SOX6: variants seen among roughly 807,000 people sequenced by gnomAD.
SOX6 encodes transcription factor SOX-6.
SOX6 carries 11 observed loss-of-function variants against 97.8 expected under a neutral mutation model. The ratio of observed to expected loss-of-function variants is 0.11; its 90% CI spans 0.07 to 0.19. The LOEUF (loss-of-function observed/expected upper bound fraction) is 0.19. Among genes scored for constraint, SOX6 ranks in the 10% least tolerant of loss-of-function variants. The probability of loss-of-function intolerance (pLI) is 1.00; values close to 1 mark genes in which losing one functional copy is unlikely to be tolerated. For synonymous variants in SOX6, 360 were observed against 371.4 expected (o/e 0.97, Z 0.35); for missense variants, 810 against 1,039.5 (o/e 0.78, Z 3.04).
intron 9 of SOX6, among the ~76,000 whole-genome samples, chr11:16,082,024 G>C (rs1226263016): frequency 1.3e-5 from 2 of 152,164 alleles, no homozygotes; most frequent in Non-Finnish European, 2.9e-5. Context: ...CTTTTTTAGA[G>C]GAATAGCTGC....
intron 1 of SOX6, among the ~76,000 whole-genome samples, chr11:16,398,019 CA>C (rs1456122418): frequency 6.6e-6 from 1 of 151,544 alleles, no homozygotes; most frequent in Admixed American, 6.6e-5. Flanking sequence ...CCTTATCCTA[CA>C]ATAAATGTCA....
At chr11:16,129,807 C>T (rs1369108275) in intron 6 of SOX6, among the ~76,000 whole-genome samples, 2 of 152,042 alleles carry the variant, frequency 1.3e-5, no homozygotes, top group Non-Finnish European at 2.9e-5. Flanking sequence ...CTTCCTCAAT[C>T]TGATTAAAAG....
chr11:16,259,973 G>GTT (rs71044090), intron 3 of SOX6, among the ~76,000 whole-genome samples: 2 of 145,168 alleles, frequency 1.4e-5, no homozygotes, highest in African/African-American at 5.0e-5. Context: ...GTGTGTGTGT[G>GTT]TATATATACA....
intron 13 of SOX6, among the ~76,000 whole-genome samples, chr11:15,992,091 G>A (rs985028406): frequency 3.3e-5 from 5 of 152,258 alleles, no homozygotes; most frequent in Non-Finnish European, 5.9e-5. Flanking sequence ...TGCAAAATTC[G>A]AGCACAGTGC....
intron 3 of SOX6, among the ~76,000 whole-genome samples, chr11:16,615,092 A>G (rs570555026): frequency 2.0e-5 from 3 of 152,352 alleles, no homozygotes; most frequent in Admixed American, 2.0e-4. Flanking sequence ...TCAAATTAAC[A>G]TTGGATAGCT....
chr11:16,387,246 A>G (rs903744158), intron 1 of SOX6, among the ~76,000 whole-genome samples: 2 of 152,088 alleles, frequency 1.3e-5, no homozygotes, highest in African/African-American at 4.8e-5. Flanking sequence ...TTAAAATGCC[A>G]TATACCTGTA....
intron 2 of SOX6, among the ~76,000 whole-genome samples, chr11:16,319,568 C>T (rs1011146209): frequency 6.6e-6 from 1 of 150,524 alleles, no homozygotes; most frequent in Non-Finnish European, 1.5e-5. Context: ...CAAGTGTTCC[C>T]ACCTACGAGT....
chr11:16,143,668 A>C (rs1850210539), intron 6 of SOX6, among the ~76,000 whole-genome samples: 1 of 152,210 alleles, frequency 6.6e-6, no homozygotes, highest in Admixed American at 6.5e-5. Flanking sequence ...TCTACCAAGC[A>C]AATGGAAAAC....
chr11:16,694,663 A>G (rs1446154895), intron 3 of SOX6, among the ~76,000 whole-genome samples: 3 of 152,228 alleles, frequency 2.0e-5, no homozygotes, highest in Admixed American at 6.5e-5. Flanking sequence ...CTTATTACTC[A>G]TGCTGTCTTA....
intron 11 of SOX6, among the ~76,000 whole-genome samples, chr11:16,048,790 A>T (rs1847608918): frequency 6.6e-6 from 1 of 152,194 alleles, no homozygotes; most frequent in South Asian, 2.1e-4. Context: ...TAATCTTTAA[A>T]TCTGTGTCTG....
chr11:16,145,333 T>A (rs1850262759), intron 6 of SOX6, among the ~76,000 whole-genome samples: 1 of 152,144 alleles, frequency 6.6e-6, no homozygotes, highest in Admixed American at 6.5e-5. Flanking sequence ...ATAAATTAGG[T>A]ATTGATGGGA....
intron 13 of SOX6, among the ~76,000 whole-genome samples, chr11:16,003,588 G>A (rs771903423): frequency 2.6e-4 from 39 of 151,990 alleles, no homozygotes; most frequent in Non-Finnish European, 4.3e-4. Context: ...GGGTCTAGTA[G>A]CCAGGATGGC....
chr11:16,182,095 T>C (rs531813767), intron 6 of SOX6, among the ~76,000 whole-genome samples: 1 of 151,808 alleles, frequency 6.6e-6, no homozygotes, highest in South Asian at 2.1e-4. Flanking sequence ...CAATCATATA[T>C]AAGTAATACA....
chr11:16,405,864 C>T (rs973260347), intron 1 of SOX6, among the ~76,000 whole-genome samples: 1 of 151,936 alleles, frequency 6.6e-6, no homozygotes, highest in Admixed American at 6.6e-5. Flanking sequence ...ATCGAGTTTC[C>T]TTTTTCTAAA....
chr11:16,410,759 CAAAAAAAA>C (rs71044100), intron 1 of SOX6, among the ~76,000 whole-genome samples: 1 of 64,390 alleles, frequency 1.6e-5, no homozygotes. Flanking sequence ...AACCGGTCTC[CAAAAAAAA>C]AAAAAAAAAA....
At chr11:16,222,316 G>C (rs1227115054) in intron 4 of SOX6, among the ~76,000 whole-genome samples, 3 of 152,074 alleles carry the variant, frequency 2.0e-5, no homozygotes, top group Admixed American at 2.0e-4. Flanking sequence ...GGGCTAAAAC[G>C]ATCTGCCTGC....
intron 3 of SOX6, among the ~76,000 whole-genome samples, chr11:16,625,938 A>G (rs1242960781): frequency 1.3e-5 from 2 of 152,198 alleles, no homozygotes; most frequent in Non-Finnish European, 2.9e-5. Flanking sequence ...TTATTGAACC[A>G]AAGGATGGGG....
chr11:16,231,704 C>T (rs945897035), intron 4 of SOX6, among the ~76,000 whole-genome samples: 1 of 146,876 alleles, frequency 6.8e-6, no homozygotes, highest in Non-Finnish European at 1.5e-5. Context: ...AAAATAGGTG[C>T]TCTTTAAACC....
chr11:16,001,303 T>C (rs1283725801), intron 13 of SOX6, among the ~76,000 whole-genome samples: 1 of 152,214 alleles, frequency 6.6e-6, no homozygotes, highest in Non-Finnish European at 1.5e-5. Context: ...AAATAATATT[T>C]ACAAAGTGCT....
Sources: allele counts gnomAD v4.1 joint callset (sites outside exome capture counted in the v4.1 genomes callset), GRCh38; gene constraint gnomAD v4.1.1; transcripts MANE v1.5; gene names NCBI Gene and HGNC (gene_info 2026-07-23, HGNC 2026-07-21).